Variants in MUC5B observed in about 807,000 individuals in gnomAD.
MUC5B encodes the protein mucin-5B.
A neutral mutation model predicts 376.9 loss-of-function variants in MUC5B; 116 were observed. The ratio of observed to expected loss-of-function variants is 0.31; its 90% CI spans 0.26 to 0.36. The LOEUF is 0.36. Among genes scored for constraint, MUC5B ranks in the 10% least tolerant of loss-of-function variants. The pLI is 1.00. For missense variants in MUC5B, 7,165 were observed against 7,769.9 expected (o/e 0.92, Z 2.93); for synonymous variants, 3,517 against 3,390.9 (o/e 1.04, Z -1.29).
At chr11:1,230,291 G>A in intron 11 of MUC5B, 148 bp downstream of exon 11, 1 of 1,288,370 alleles carries the variant, frequency 7.8e-7, no homozygotes, top group Non-Finnish European at 1.1e-6. Flanking sequence ...TGGTCATAGA[G>A]GGATGGCTCT....
rs376950791 is a variant in MUC5B, at chr11:1,245,927, C to T, written c.9047C>T (p.Pro3016Leu). 101 of 1,612,450 alleles carry T rather than the reference C, an allele frequency of 6.3e-5. 1 individual carries two copies. The highest frequency in any genetic ancestry group is 3.5e-4 in the South Asian group (32 of 91,044). ...TGSTAIPSST[P>L]GTAPPPKVLT... ...TCCACGGCCATCCCGTCCTCCACCCCGGGAACAGCTCCCCCTCCCAAAGTG... is the reference window on the plus strand; with the variant it reads ...TCCACGGCCATCCCGTCCTCCACCCTGGGAACAGCTCCCCCTCCCAAAGTG... The change falls in exon 31 of 49, where the codon CCG becomes CTG. Residue 3016 changes from proline to leucine, a missense_variant. Physicochemically the swap from Pro to Leu is moderately conservative, Grantham distance 98. This residue lies in a region of MUC5B where 939 missense variants were observed against 770.6 expected (regional missense o/e 1.22). Transcript: ENST00000529681.
chr11:1,230,346 C>T (rs1861996687), intron 11 of MUC5B, 144 bp from the exon 12 acceptor site: 5 of 1,088,896 alleles, frequency 4.6e-6, no homozygotes, highest in Non-Finnish European at 6.5e-6. Context: ...GGCCCTGAGA[C>T]AAGCTGCTGG....
At chr11:1,255,345 G>A in intron 36 of MUC5B, 38 bp from the exon 37 acceptor site, 5 of 1,391,238 alleles carry the variant, frequency 3.6e-6, no homozygotes, top group Non-Finnish European at 4.9e-6. Context: ...AGCTCCCTGG[G>A]GCTGGGGGCC....
chr11:1,227,761 G>A lies in MUC5B; in HGVS notation c.754G>A (p.Ala252Thr), dbSNP rs951049594. ...EQCPDPLPLP[A>T]GNCTDEEGIC... ...GTGCCCGGACCCGCTGCCCTTGCCGGCCGGCAACTGCACGGACGAGGTGAG... is the reference window on the plus strand; with the variant it reads ...GTGCCCGGACCCGCTGCCCTTGCCGACCGGCAACTGCACGGACGAGGTGAG... The change falls in exon 7 of 49, where the codon GCC becomes ACC. Residue 252 changes from alanine (A) to threonine (T), a missense_variant. Transcript: ENST00000529681. The A allele has an allele frequency of 8.4e-6, 6 of 717,694 alleles. No individual in the cohort carries two copies. The African/African-American group carries it at 8.7e-5, about 10-fold the overall frequency. The allele number at this position is 717,694 out of a possible 1,614,324, so 44.5% of individuals were successfully genotyped here.
Position 1,249,870 on chromosome 11 carries a change from C to T in MUC5B, c.12990C>T (p.Thr4330=). 4 of 1,613,608 alleles carry T rather than the reference C, an allele frequency of 2.5e-6. No homozygotes were observed. In the South Asian group the frequency reaches 3.3e-5, roughly 13 times the overall value. ...ATSVTPIPSS[T]LGTTGTLPEQ... is the part of the protein sequence containing the mutation. ...GCGTTACACCCATCCCCTCCTCCACCCTTGGGACCACCGGGACCCTCCCAG... is the reference window on the plus strand; with the variant it reads ...GCGTTACACCCATCCCCTCCTCCACTCTTGGGACCACCGGGACCCTCCCAG... The change falls in exon 31 of 49, where the codon ACC becomes ACT. Residue 4330 remains threonine (T), a synonymous_variant. Coordinates refer to ENST00000529681, the MANE Select transcript of MUC5B (RefSeq NM_002458.3).
chr11:1,249,085 C>A lies in MUC5B; in HGVS notation c.12205C>A (p.Pro4069Thr). 3.1e-6 allele frequency: 5 copies of A among 1,610,872 alleles called. No individual in the cohort carries two copies. The highest frequency in any genetic ancestry group is 4.2e-6 in the Non-Finnish European group (5 of 1,179,460). Residue 4069 changes from proline to threonine, a missense_variant, in exon 31 of 49, where the codon CCT becomes ACT. Pro to Thr is a conservative substitution (Grantham distance 38, BLOSUM62 -1). Around this residue, in one of 31 missense-constraint regions of MUC5B, gnomAD observed 85 missense variants for 78.2 expected, o/e 1.09. Transcript: ENST00000529681. ...GCACTCGACTCCAGCCCTGTCCAGC[C>A]CTCACCCTAGCAGCAGGACCACCGA... ...TQHSTPALSS[P>T]HPSSRTTESP...
chr11:1,246,603 C>G lies in MUC5B; in HGVS notation c.9723C>G (p.Pro3241=), dbSNP rs368481924. The stretch of plus-strand genomic sequence containing the variant: ...CAGCTACCAGCGTTACAGCCATCCC[C>G]TCTTCCTCCCTGGGCACCGCCTGGA... ...TPTATSVTAI[P]SSSLGTAWTR... is the part of the protein sequence containing the mutation. The change falls in exon 31 of 49, where the codon CCC becomes CCG. Residue 3241 remains proline, a synonymous_variant. Coordinates refer to ENST00000529681, the MANE Select transcript of MUC5B (RefSeq NM_002458.3). 3.2e-5 allele frequency: 51 copies of G among 1,613,234 alleles called. No individual in the cohort carries two copies. The highest frequency in any genetic ancestry group is 1.0e-4 in the Admixed American group (6 of 59,950).
At chr11:1,225,431 G>T (rs569896280) in intron 1 of MUC5B, among the ~76,000 whole-genome samples, 39 of 152,242 alleles carry the variant, frequency 2.6e-4, no homozygotes, top group Admixed American at 3.3e-4. Flanking sequence ...CTTCCATCCC[G>T]CAGGCTTTCC....
chr11:1,223,329 C>T (rs1198603820), intron 1 of MUC5B, 136 bp downstream of exon 1: 4 of 691,506 alleles, frequency 5.8e-6, no homozygotes, highest in African/African-American at 1.8e-5. Flanking sequence ...CTGGATGGGA[C>T]CCTACCCGTC....
Position 1,245,964 on chromosome 11 carries a change from G to C in MUC5B, c.9084G>C (p.Thr3028=), listed in dbSNP as rs368938736. Residue 3028 remains threonine, a synonymous_variant, in exon 31 of 49, where the codon ACG becomes ACC. Transcript: ENST00000529681. Reference sequence around the variant, plus strand: ...CCCCTCCCAAAGTGCTGACCAGCACGGCCACCACACCCACAGCCACCAGTT... The same window carrying C: ...CCCCTCCCAAAGTGCTGACCAGCACCGCCACCACACCCACAGCCACCAGTT... ...TAPPPKVLTS[T]ATTPTATSSK... 992 of 1,611,746 alleles carry C rather than the reference G, an allele frequency of 6.2e-4. 3 individuals carry two copies. Among genetic ancestry groups the C allele is most frequent in the Non-Finnish European group, 6.2e-4 (733 of 1,179,388 alleles).
Position 1,258,020 on chromosome 11 carries a change from G to C in MUC5B, c.16451-79G>C, listed in dbSNP as rs1164265165. 7.2e-7 allele frequency: 1 copy of C among 1,387,884 alleles called. No homozygotes were observed. Among genetic ancestry groups the C allele is most frequent in the Non-Finnish European group, 9.9e-7 (1 of 1,007,120 alleles). The allele number at this position is 1,387,884 out of a possible 1,614,324, so 86.0% of individuals were successfully genotyped here. On this transcript the variant is annotated intron_variant, in intron 41 of 48. Transcript: ENST00000529681. This position sits in a 1 kb window ranked among gnomAD's most constrained non-coding sequence, Gnocchi z 5.5. Reference sequence around the variant, plus strand: ...CGGTCAGGTCCTCGGGGAAAAGCACGCCTGCGACTTACTCTGGGAACAAGT... The same window carrying C: ...CGGTCAGGTCCTCGGGGAAAAGCACCCCTGCGACTTACTCTGGGAACAAGT...
chr11:1,248,537 C>A lies in MUC5B; in HGVS notation c.11657C>A (p.Thr3886Lys). 3 of 1,613,228 alleles carry A rather than the reference C, an allele frequency of 1.9e-6. No homozygotes were observed. The highest frequency in any genetic ancestry group is 2.5e-6 in the Non-Finnish European group (3 of 1,179,664). The stretch of plus-strand genomic sequence containing the variant: ...TCCTCCAGCCCAGGGACGGCACGCA[C>A]GCCTCCAGTGTGGATCAGCACAACC... ...TPSSSPGTARTPPVWISTTTT... is the reference protein window; with the variant it reads ...TPSSSPGTARKPPVWISTTTT... The change falls in exon 31 of 49, where the codon ACG (threonine) becomes AAG (lysine). Residue 3886 changes from threonine (T) to lysine (K), a missense_variant. Around this residue, in one of 31 missense-constraint regions of MUC5B, gnomAD observed 242 missense variants for 199.0 expected, o/e 1.22. Coordinates refer to ENST00000529681, the MANE Select transcript of MUC5B (RefSeq NM_002458.3).
rs780894295 is a variant in MUC5B, at chr11:1,230,514, G to A, written c.1384G>A (p.Val462Met). ...SKKCADSSFT[V>M]LAELRKCGLT... ...GAAATGTGCCGACAGCAGCTTCACC[G>A]TGCTGGCTGAGCTGCGGAAGTGCGG... Residue 462 changes from valine to methionine, a missense_variant, in exon 12 of 49, where the codon GTG (valine) becomes ATG (methionine). Physicochemically the swap from Val to Met is conservative, Grantham distance 21. Transcript: ENST00000529681. 54 of 1,610,250 alleles carry A rather than the reference G, an allele frequency of 3.4e-5. No individual in the cohort carries two copies. Among genetic ancestry groups the A allele is most frequent in the Middle Eastern group, 3.3e-4 (2 of 6,074 alleles).
At chr11:1,252,170 G>A (rs142735123) in intron 31 of MUC5B, among the ~76,000 whole-genome samples, 173 bp from the exon 32 acceptor site, 3,800 of 150,922 alleles carry the variant, frequency 0.025, 58 homozygotes, top group Non-Finnish European at 0.033. Flanking sequence ...GTCACAATCC[G>A]TCCCCAGTGG....
At chr11:1,259,607 T>C (rs966963098) in intron 44 of MUC5B, 149 bp from the exon 45 acceptor site, 2 of 715,186 alleles carry the variant, frequency 2.8e-6, no homozygotes, top group Non-Finnish European at 4.7e-6. Context: ...CCGGGATAAC[T>C]GAGTGGGGGC....
Position 1,235,326 on chromosome 11 carries a change from C to A in MUC5B, c.2793C>A (p.Thr931=), listed in dbSNP as rs764331144. 29 of 1,612,934 alleles carry A rather than the reference C, an allele frequency of 1.8e-5. No homozygotes were observed. The Middle Eastern group carries it at 8.2e-4, about 46-fold the overall frequency. ...AGGACTACTGTGGGGACAACACCACCCACGGGACCTTCCGCATCGTCACCG... is the reference window on the plus strand; with the variant it reads ...AGGACTACTGTGGGGACAACACCACACACGGGACCTTCCGCATCGTCACCG... ...LAQDYCGDNT[T]HGTFRIVTEN... is the part of the protein sequence containing the mutation. Residue 931 remains threonine, a synonymous_variant, in exon 23 of 49, where the codon ACC becomes ACA. Coordinates refer to ENST00000529681, the MANE Select transcript of MUC5B (RefSeq NM_002458.3).
rs1170682941 is a variant in MUC5B at position 1,246,171 on chromosome 11, C to T, written c.9291C>T (p.Ser3097=). ...PMATMSTIHP[S]STPETTHTST... ...CCACCATGTCCACAATCCACCCCTC[C>T]TCCACTCCGGAGACCACCCACACCT... is the stretch of plus-strand genomic sequence containing the variant. The change falls in exon 31 of 49, where the codon TCC becomes TCT. Residue 3097 remains serine, a synonymous_variant. Coordinates refer to ENST00000529681, the MANE Select transcript of MUC5B (RefSeq NM_002458.3). 1.9e-6 allele frequency: 3 copies of T among 1,613,168 alleles called. No homozygotes were observed. The highest frequency in any genetic ancestry group is 1.3e-5 in the African/African-American group (1 of 74,752).
At position 1,250,951 on chromosome 11, in the gene MUC5B, G is replaced by A. The variant is rs780775231; in HGVS notation, c.14071G>A (p.Gly4691Ser). The change falls in exon 31 of 49, where the codon GGC (glycine) becomes AGC (serine). Residue 4691 changes from glycine (G) to serine (S), a missense_variant. This residue lies in a region of MUC5B where 730 missense variants were observed against 592.7 expected (regional missense o/e 1.23). Transcript: ENST00000529681. ...CACGGCCACTACGATCACGGCCACC[G>A]GCTCCACCACCAACCCCTCCTCAAC... ...TTTATTITATGSTTNPSSTPG... is the reference protein window; with the variant it reads ...TTTATTITATSSTTNPSSTPG... 34 of 1,608,914 alleles carry A rather than the reference G, an allele frequency of 2.1e-5. No homozygotes were observed. The highest frequency in any genetic ancestry group is 3.3e-4 in the Middle Eastern group (2 of 6,050).
intron 26 of MUC5B, 134 bp downstream of exon 26, chr11:1,239,161 G>A: frequency 8.7e-7 from 1 of 1,151,872 alleles, no homozygotes; most frequent in Non-Finnish European, 1.2e-6. Context: ...GCCTCCATGT[G>A]AGTGCACAAG....
Sources: allele counts gnomAD v4.1 joint callset (sites outside exome capture counted in the v4.1 genomes callset), GRCh38; gene constraint gnomAD v4.1.1; regional missense constraint gnomAD v4.1.1; non-coding constraint Gnocchi (gnomAD v3.1); transcripts MANE v1.5; gene names NCBI Gene and HGNC (gene_info 2026-07-23, HGNC 2026-07-21).